Variants in GLRA3 observed in about 807,000 individuals in gnomAD.
GLRA3 encodes the protein glycine receptor alpha 3, also known as glycine receptor subunit alpha-3.
GLRA3 carries 44 observed loss-of-function variants against 60.4 expected under a neutral mutation model. The ratio of observed to expected loss-of-function variants is 0.73; its 90% CI spans 0.57 to 0.94. The LOEUF is 0.94. GLRA3 is among the 40% of genes least tolerant of loss of function. GLRA3 has a pLI of 0.00. For synonymous variants in GLRA3, 223 were observed against 192.9 expected, an observed-to-expected ratio of 1.16 and a Z score of -1.29; for missense variants, 508 against 564.6, an observed-to-expected ratio of 0.90 and a Z score of 1.02.
At chr4:174,697,631 T>C (rs555859775) in intron 5 of GLRA3, among the ~76,000 whole-genome samples, 1 of 152,350 alleles carries the variant, frequency 6.6e-6, no homozygotes, top group South Asian at 2.1e-4. Context: ...CTGGTATAGC[T>C]GACCTATCAC....
At chr4:174,657,391 C>A (rs559690332) in intron 8 of GLRA3, among the ~76,000 whole-genome samples, 1 of 152,164 alleles carries the variant, frequency 6.6e-6, no homozygotes, top group African/African-American at 2.4e-5. Flanking sequence ...ACAGGACATG[C>A]TTGATACATT....
chr4:174,683,403 T>G (rs1443137314), intron 5 of GLRA3, among the ~76,000 whole-genome samples: 2 of 151,930 alleles, frequency 1.3e-5, no homozygotes, highest in African/African-American at 4.8e-5. Flanking sequence ...CAGGCTGGAG[T>G]GCAGTGGTGT....
At chr4:174,788,455 G>A (rs1739201512) in intron 2 of GLRA3, among the ~76,000 whole-genome samples, 1 of 151,936 alleles carries the variant, frequency 6.6e-6, no homozygotes, top group East Asian at 1.9e-4. Context: ...AGATGGGAAA[G>A]TTTATCACTA....
rs1431064912 is a variant in GLRA3 at position 174,788,103 on chromosome 4, A to G, written c.199+713T>C. On this transcript the variant is annotated intron_variant, in intron 2 of 9. Coordinates refer to ENST00000274093, the MANE Select transcript of GLRA3 (RefSeq NM_006529.4). ...TATTTTCTTTATTGGGTAAAGTAAT[A>G]TTCAAGAACATGTTAAATAAGTTGG... Among the ~76,000 whole-genome samples the G allele has an allele frequency of 2.0e-5, 3 of 152,224 alleles. No homozygotes were observed. In the East Asian group the frequency reaches 5.8e-4, roughly 29 times the overall value.
chr4:174,714,008 T>C (rs1390426997), intron 5 of GLRA3, among the ~76,000 whole-genome samples: 1 of 152,240 alleles, frequency 6.6e-6, no homozygotes, highest in African/African-American at 2.4e-5. Context: ...TATTTCTCTC[T>C]GACACACAGG....
intron 1 of GLRA3, among the ~76,000 whole-genome samples, chr4:174,815,714 C>A (rs114228290): frequency 6.6e-6 from 1 of 152,152 alleles, no homozygotes; most frequent in Non-Finnish European, 1.5e-5. Flanking sequence ...TGTTGGGATG[C>A]AGGGCACCAA....
At chr4:174,778,619 G>A (rs886763375) in intron 2 of GLRA3, among the ~76,000 whole-genome samples, 6 of 152,170 alleles carry the variant, frequency 3.9e-5, no homozygotes, top group Admixed American at 1.3e-4. Context: ...GTGGGTGCAC[G>A]CACCGTGCGC....
At chr4:174,816,633 T>C (rs957678317) in intron 1 of GLRA3, among the ~76,000 whole-genome samples, 1 of 152,110 alleles carries the variant, frequency 6.6e-6, no homozygotes, top group African/African-American at 2.4e-5. Context: ...AGTGGTTTTT[T>C]TTTTTTCTTG....
intron 1 of GLRA3, among the ~76,000 whole-genome samples, chr4:174,789,288 G>A (rs1350085200): frequency 1.3e-5 from 2 of 152,178 alleles, no homozygotes; most frequent in Non-Finnish European, 2.9e-5. Context: ...TGCTTTAGGT[G>A]TAAGAAAACA....
chr4:174,794,825 T>C (rs1407303901), intron 1 of GLRA3, among the ~76,000 whole-genome samples: 8 of 152,082 alleles, frequency 5.3e-5, no homozygotes, highest in Admixed American at 3.3e-4. Context: ...TTGCCAAAAA[T>C]ATTTGCTTCC....
At chr4:174,772,217 G>A (rs1315527048) in intron 2 of GLRA3, among the ~76,000 whole-genome samples, 1 of 152,164 alleles carries the variant, frequency 6.6e-6, no homozygotes, top group Non-Finnish European at 1.5e-5. Flanking sequence ...TAATAGGTGG[G>A]ATCATAATGC....
intron 7 of GLRA3, among the ~76,000 whole-genome samples, chr4:174,666,403 T>C (rs951572469): frequency 1.3e-5 from 2 of 151,940 alleles, no homozygotes; most frequent in Non-Finnish European, 2.9e-5. Flanking sequence ...AAGAGAAATA[T>C]TTTATCCTAC....
chr4:174,679,693 T>C lies in GLRA3; in HGVS notation c.713-2401A>G, dbSNP rs146938362. On this transcript the variant is annotated intron_variant, in intron 6 of 9. Transcript: ENST00000274093. ...GTGTATATACACAATGGAATATTATTCAAACAAAAAAGAATGCAATTCTAT... is the reference window on the plus strand; with the variant it reads ...GTGTATATACACAATGGAATATTATCCAAACAAAAAAGAATGCAATTCTAT... 3.3e-5 allele frequency among the ~76,000 whole-genome samples: 5 copies of C among 152,170 alleles called. No homozygotes were observed. The East Asian group carries it at 9.7e-4, about 29-fold the overall frequency.
intron 4 of GLRA3, among the ~76,000 whole-genome samples, chr4:174,719,252 C>A (rs892935989): frequency 2.6e-5 from 4 of 152,150 alleles, no homozygotes; most frequent in Non-Finnish European, 5.9e-5. Flanking sequence ...CGTGAGCCAC[C>A]GCGCCCGGCC....
Position 174,712,149 on chromosome 4 carries a change from C to G in GLRA3, c.574+3339G>C, listed in dbSNP as rs530071514. Among the ~76,000 whole-genome samples, 98 of 152,084 alleles carry G rather than the reference C, an allele frequency of 6.4e-4. 1 individual carries two copies. The Middle Eastern group carries it at 0.014, about 21-fold the overall frequency. On this transcript the variant is annotated intron_variant, in intron 5 of 9. Coordinates refer to ENST00000274093, the MANE Select transcript of GLRA3 (RefSeq NM_006529.4). The stretch of plus-strand genomic sequence containing the variant: ...AGGAATTTTGTATCATCCATGGTTT[C>G]AATTATAAGTCATAAATGTACACTT...
chr4:174,813,549 G>A (rs1201116217), intron 1 of GLRA3, among the ~76,000 whole-genome samples: 4 of 152,084 alleles, frequency 2.6e-5, no homozygotes, highest in Admixed American at 6.6e-5. Flanking sequence ...AGCCTACACT[G>A]GTCTGTTTCA....
rs540952531 is a variant in GLRA3, at chr4:174,744,625, A to G, written c.268-15927T>C. Among the ~76,000 whole-genome samples, 13 of 152,348 alleles carry G rather than the reference A, an allele frequency of 8.5e-5. No homozygotes were observed. The East Asian group carries it at 2.1e-3, about 25-fold the overall frequency. On this transcript the variant is annotated intron_variant, in intron 3 of 9. Transcript: ENST00000274093. ...AATCAAAGCCAAAGGGTTCTAACCA[A>G]TTGAAACCATTGATACATATTCAGG...
At chr4:174,685,616 C>T (rs1734527817) in intron 5 of GLRA3, among the ~76,000 whole-genome samples, 1 of 152,142 alleles carries the variant, frequency 6.6e-6, no homozygotes, top group Non-Finnish European at 1.5e-5. Context: ...CCTGCTTATA[C>T]TAGAATACAT....
intron 3 of GLRA3, among the ~76,000 whole-genome samples, chr4:174,743,703 T>A (rs1737116284): frequency 6.6e-6 from 1 of 152,216 alleles, no homozygotes; most frequent in East Asian, 1.9e-4. Context: ...ACTATTTGCA[T>A]GATATTTTAG....
Sources: allele counts gnomAD v4.1 joint callset (sites outside exome capture counted in the v4.1 genomes callset), GRCh38; gene constraint gnomAD v4.1.1; transcripts MANE v1.5; gene names NCBI Gene and HGNC (gene_info 2026-07-23, HGNC 2026-07-21).